The following MARCHF1 variants were observed in gnomAD, a reference collection of about 807,000 sequenced individuals.
MARCHF1 encodes the protein membrane associated ring-CH-type finger 1, also known as E3 ubiquitin-protein ligase MARCHF1.
Under a neutral mutation model 54.2 loss-of-function variants are expected in MARCHF1, and 40 were observed. The ratio of observed to expected loss-of-function variants is 0.74; its 90% CI spans 0.57 to 0.96. MARCHF1 has a LOEUF of 0.96. Ranked by LOEUF, MARCHF1 falls within the 40% of genes least tolerant of loss-of-function variation. MARCHF1 has a pLI of 0.00. For missense variants in MARCHF1, 586 were observed against 656.5 expected, an observed-to-expected ratio of 0.89 and a Z score of 1.17; for synonymous variants, 236 against 236.3, an observed-to-expected ratio of 1.00 and a Z score of 0.01.
intron 1 of MARCHF1, among the ~76,000 whole-genome samples, chr4:164,347,164 A>T (rs868694937): frequency 2.0e-5 from 3 of 152,190 alleles, no homozygotes; most frequent in African/African-American, 4.8e-5. Context: ...TGAAAAAAAA[A>T]TTGTGAGGAA....
chr4:163,733,195 A>ACATACACATG (rs1314185951), intron 4 of MARCHF1, among the ~76,000 whole-genome samples: 1 of 26,348 alleles, frequency 3.8e-5, no homozygotes, highest in African/African-American at 1.2e-4. Context: ...ATATATATAT[A>ACATACACATG]TATATATATA....
chr4:163,702,900 A>G (rs1744848140), intron 4 of MARCHF1, among the ~76,000 whole-genome samples: 2 of 152,282 alleles, frequency 1.3e-5, no homozygotes, highest in African/African-American at 4.8e-5. Context: ...AGGAAAGTGC[A>G]TCAGAAAAGT....
chr4:163,729,987 C>G (rs1420575657), intron 4 of MARCHF1, among the ~76,000 whole-genome samples: 1 of 151,958 alleles, frequency 6.6e-6, no homozygotes, highest in South Asian at 2.1e-4. Context: ...GAATTTGGGG[C>G]CATTATTTTT....
At chr4:164,171,085 T>A (rs1730513445) in intron 1 of MARCHF1, among the ~76,000 whole-genome samples, 1 of 152,204 alleles carries the variant, frequency 6.6e-6, no homozygotes, top group Non-Finnish European at 1.5e-5. Context: ...TATTCATTTT[T>A]TATCATTCAA....
At chr4:163,940,545 C>T (rs1751892225) in intron 3 of MARCHF1, among the ~76,000 whole-genome samples, 1 of 151,886 alleles carries the variant, frequency 6.6e-6, no homozygotes, top group South Asian at 2.1e-4. Context: ...TCCTCTATGT[C>T]CACCATTGGA....
At chr4:163,694,681 C>T (rs1474989989) in intron 5 of MARCHF1, among the ~76,000 whole-genome samples, 1 of 152,076 alleles carries the variant, frequency 6.6e-6, no homozygotes, top group Non-Finnish European at 1.5e-5. Context: ...TCCTATTACA[C>T]ATTTTGTGGG....
intron 1 of MARCHF1, among the ~76,000 whole-genome samples, chr4:164,120,388 G>C (rs559891626): frequency 6.6e-6 from 1 of 152,156 alleles, no homozygotes; most frequent in East Asian, 1.9e-4. Flanking sequence ...TTAATAGCTG[G>C]CAACTTCAAC....
intron 3 of MARCHF1, among the ~76,000 whole-genome samples, chr4:163,965,016 G>C (rs1752415122): frequency 2.6e-5 from 4 of 151,878 alleles, no homozygotes; most frequent in South Asian, 2.1e-4. Context: ...GCATGGCAAG[G>C]GTTCTATACA....
intron 2 of MARCHF1, among the ~76,000 whole-genome samples, chr4:164,109,912 T>TAAA (rs57433858): frequency 0.34 from 21,620 of 62,906 alleles, 3,642 homozygotes; most frequent in Non-Finnish European, 0.4. Context: ...AAAATAAAAG[T>TAAA]AAAAAAAAAA....
intron 1 of MARCHF1, among the ~76,000 whole-genome samples, chr4:164,378,206 G>A (rs1356959564): frequency 6.6e-6 from 1 of 152,216 alleles, no homozygotes; most frequent in Non-Finnish European, 1.5e-5. Context: ...GAAAGACAGT[G>A]AGAGACTAAG....
chr4:164,065,566 GAACT>G (rs1754709233), intron 2 of MARCHF1, among the ~76,000 whole-genome samples: 1 of 152,060 alleles, frequency 6.6e-6, no homozygotes, highest in Non-Finnish European at 1.5e-5. Context: ...CAGAGGAACA[GAACT>G]AATAGGATAT....
chr4:164,097,976 C>T (rs1755451460), intron 2 of MARCHF1, among the ~76,000 whole-genome samples: 1 of 152,182 alleles, frequency 6.6e-6, no homozygotes, highest in Non-Finnish European at 1.5e-5. Context: ...GTGACCCCTT[C>T]AGCTTCTCCT....
intron 1 of MARCHF1, among the ~76,000 whole-genome samples, chr4:164,165,088 G>C (rs1730336091): frequency 6.6e-6 from 1 of 152,008 alleles, no homozygotes; most frequent in African/African-American, 2.4e-5. Context: ...ATGTCAGATA[G>C]CCCAATGGTT....
chr4:163,990,993 A>C (rs182075981), intron 2 of MARCHF1, among the ~76,000 whole-genome samples: 1 of 152,296 alleles, frequency 6.6e-6, no homozygotes, highest in Admixed American at 6.5e-5. Context: ...CTCATTATGC[A>C]TATGAGGTTA....
chr4:163,717,093 C>G (rs1485832755), intron 4 of MARCHF1, among the ~76,000 whole-genome samples: 6 of 150,086 alleles, frequency 4.0e-5, no homozygotes, highest in Non-Finnish European at 8.9e-5. Flanking sequence ...TGTGCTGCAC[C>G]CATTAACTCG....
rs1741373075 is a variant in MARCHF1 at position 163,612,399 on chromosome 4, G to A, written c.882C>T (p.Ser294=). The A allele has an allele frequency of 6.5e-7, 1 of 1,535,328 alleles. No homozygotes were observed. The highest frequency in any genetic ancestry group is 2.0e-5 in the Admixed American group (1 of 50,946). The change falls in exon 7 of 10, where the codon TCC becomes TCT. Residue 294 remains serine (S), a synonymous_variant. Transcript: ENST00000514618. ...CTGGAACTCCCAGTATTTCAGTGCT[G>A]GAATCTGTTTCTGAAAATGTCTTCT... is the stretch of plus-strand genomic sequence containing the variant. The part of the protein sequence containing the change: ...IMKKTFSETD[S]STEILGVPEG...
chr4:163,873,193 GT>G (rs1750216273), intron 3 of MARCHF1, among the ~76,000 whole-genome samples: 4 of 152,174 alleles, frequency 2.6e-5, no homozygotes, highest in Non-Finnish European at 4.4e-5. Context: ...CATTAGACTG[GT>G]AAAACTGGAG....
chr4:163,728,413 T>C (rs1745731096), intron 4 of MARCHF1, among the ~76,000 whole-genome samples: 1 of 152,214 alleles, frequency 6.6e-6, no homozygotes, highest in Non-Finnish European at 1.5e-5. Flanking sequence ...ATCTTAACAA[T>C]ATTAAGTTTT....
At chr4:163,866,697 C>T (rs1048130153) in intron 3 of MARCHF1, among the ~76,000 whole-genome samples, 3 of 151,612 alleles carry the variant, frequency 2.0e-5, no homozygotes, top group African/African-American at 7.2e-5. Context: ...TCACTTCTAA[C>T]CAGCTGGCTG....
Sources: gnomAD v4.1 joint callset for allele counts (sites outside exome capture counted in the v4.1 genomes callset) on GRCh38, gnomAD v4.1.1 for gene constraint, MANE v1.5 for transcripts, NCBI Gene and HGNC (gene_info 2026-07-23, HGNC 2026-07-21) for gene names.